The following AEBP2 variants were observed in gnomAD, a reference collection of about 807,000 sequenced individuals.
AEBP2 encodes zinc finger protein AEBP2.
In AEBP2, 10 loss-of-function variants were observed where a neutral mutation model predicts 50.8. The observed-to-expected ratio is 0.20, with a 90% CI of 0.12 to 0.33. The LOEUF is 0.33. AEBP2 is among the 10% of genes least tolerant of loss of function. AEBP2 has a pLI of 1.00. For missense variants in AEBP2, 570 were observed against 688.0 expected (o/e 0.83, Z 1.92); for synonymous variants, 296 against 261.3 (o/e 1.13, Z -1.28).
intron 3 of AEBP2, among the ~76,000 whole-genome samples, chr12:19,484,223 A>T (rs1024761007): frequency 4.1e-5 from 6 of 146,616 alleles, no homozygotes; most frequent in African/African-American, 1.0e-4. Context: ...AGCTGGGATT[A>T]CAGGCAGGCA....
At chr12:19,474,303 T>G (rs1253292027) in intron 3 of AEBP2, among the ~76,000 whole-genome samples, 1 of 152,210 alleles carries the variant, frequency 6.6e-6, no homozygotes, top group Non-Finnish European at 1.5e-5. Flanking sequence ...GTTTAATAGT[T>G]GTTAAAACCA....
chr12:19,446,145 A>C (rs1479470187), intron 1 of AEBP2: 1 of 152,188 alleles, frequency 6.6e-6, no homozygotes, highest in Admixed American at 6.6e-5. Context: ...TGCGATGAAT[A>C]GTTTGTATTT....
chr12:19,444,736 C>T (rs7299302), intron 1 of AEBP2, among the ~76,000 whole-genome samples: 24,588 of 152,116 alleles, frequency 0.16, 3,513 homozygotes, highest in African/African-American at 0.38. Flanking sequence ...TGCTTGAATG[C>T]GTGCATCTTT....
Position 19,453,131 on chromosome 12 carries a change from G to A in AEBP2, c.672-9379G>A, listed in dbSNP as rs143835206. On this transcript the variant is annotated intron_variant, in intron 1 of 7. Transcript: ENST00000266508. ...CCACGGGTACCCGCCACCAGCCCCG[G>A]ATGATTTTTTTGTATTTTTAGTAAA... is the stretch of plus-strand genomic sequence containing the variant. Among the ~76,000 whole-genome samples the A allele has an allele frequency of 1.6e-3, 250 of 151,890 alleles. 1 individual carries two copies. The highest frequency in any genetic ancestry group is 5.8e-3 in the African/African-American group (239 of 41,474).
At chr12:19,513,258 G>T (rs1156699571) in intron 6 of AEBP2, among the ~76,000 whole-genome samples, 1 of 152,068 alleles carries the variant, frequency 6.6e-6, no homozygotes, top group Non-Finnish European at 1.5e-5. Flanking sequence ...TAATTTTCTA[G>T]CAGTGATTAC....
chr12:19,420,411 A>G (rs1213159116), intron 1 of AEBP2, among the ~76,000 whole-genome samples: 2 of 134,562 alleles, frequency 1.5e-5, no homozygotes, highest in Non-Finnish European at 3.0e-5. Context: ...TCGGCTCACT[A>G]CAGTCTCTAC....
intron 1 of AEBP2, chr12:19,456,267 T>G: frequency 6.5e-7 from 1 of 1,527,884 alleles, no homozygotes; most frequent in Non-Finnish European, 9.0e-7. Flanking sequence ...TTGAGCTTTC[T>G]GGGCAGATTT....
chr12:19,450,659 A>C (rs1948152298), intron 1 of AEBP2, among the ~76,000 whole-genome samples: 2 of 128,070 alleles, frequency 1.6e-5, no homozygotes, highest in African/African-American at 2.9e-5. Flanking sequence ...GTGAGATCCC[A>C]TCTCTACCAA....
At chr12:19,475,776 A>G (rs146055443) in intron 3 of AEBP2, among the ~76,000 whole-genome samples, 1 of 152,218 alleles carries the variant, frequency 6.6e-6, no homozygotes, top group East Asian at 1.9e-4. Context: ...CTTTTAAATT[A>G]TGGCCATTAT....
At chr12:19,420,267 G>C (rs1485257888) in intron 1 of AEBP2, among the ~76,000 whole-genome samples, 1 of 148,488 alleles carries the variant, frequency 6.7e-6, no homozygotes, top group Non-Finnish European at 1.5e-5. Context: ...GACCTCAGGT[G>C]ATCCACCCAC....
At chr12:19,484,040 TG>T in intron 3 of AEBP2, among the ~76,000 whole-genome samples, 1 of 152,168 alleles carries the variant, frequency 6.6e-6, no homozygotes. Context: ...TTTGGATTTT[TG>T]CTAATCTCAT....
intron 1 of AEBP2, among the ~76,000 whole-genome samples, chr12:19,441,785 T>C (rs1289737887): frequency 1.3e-5 from 2 of 152,208 alleles, no homozygotes; most frequent in Non-Finnish European, 2.9e-5. Context: ...AACTGCACAA[T>C]GAAGCATGTG....
intron 3 of AEBP2, among the ~76,000 whole-genome samples, 158 bp downstream of exon 3, chr12:19,473,513 T>C (rs1565720425): frequency 6.6e-6 from 1 of 152,104 alleles, no homozygotes; most frequent in African/African-American, 2.4e-5. Context: ...TCAATTGATT[T>C]TCCTGCCTCA....
chr12:19,455,468 A>G (rs892539407), intron 1 of AEBP2, among the ~76,000 whole-genome samples: 2 of 152,190 alleles, frequency 1.3e-5, no homozygotes, highest in African/African-American at 4.8e-5. Flanking sequence ...TCATGGTAAC[A>G]TAAGCATCCA....
rs530718161 is a variant in AEBP2, at chr12:19,496,227, T to C, written c.1174+2241T>C. Among the ~76,000 whole-genome samples, 10 of 152,336 alleles carry C rather than the reference T, an allele frequency of 6.6e-5. No individual in the cohort carries two copies. In the South Asian group the frequency reaches 2.1e-3, roughly 32 times the overall value. Reference sequence around the variant, plus strand: ...TTCTTGCTTAGAAACAAAGTACTGGTGCCGGCTTAAGTATATGTTTCTTTT... The same window carrying C: ...TTCTTGCTTAGAAACAAAGTACTGGCGCCGGCTTAAGTATATGTTTCTTTT... On this transcript the variant is annotated intron_variant, in intron 4 of 7. Coordinates refer to ENST00000266508, the MANE Select transcript of AEBP2 (RefSeq NM_153207.5).
intron 1 of AEBP2, among the ~76,000 whole-genome samples, chr12:19,460,004 T>C (rs764341474): frequency 1.3e-5 from 2 of 152,196 alleles, no homozygotes; most frequent in Non-Finnish European, 2.9e-5. Context: ...GGAGGATTGC[T>C]TGAGCCCAGC....
Position 19,462,544 on chromosome 12 carries a change from A to G in AEBP2, c.706A>G (p.Ile236Val). 6.2e-6 allele frequency: 10 copies of G among 1,613,096 alleles called. No homozygotes were observed. Among genetic ancestry groups the G allele is most frequent in the Non-Finnish European group, 7.6e-6 (9 of 1,179,504 alleles). ...SSTIMDVDST[I>V]SSGRSTPAMM... is the part of the protein sequence containing the mutation. ...TACTATAATGGATGTAGACAGCACAATTTCCAGTGGGCGTTCAACTCCAGC... is the reference window on the plus strand; with the variant it reads ...TACTATAATGGATGTAGACAGCACAGTTTCCAGTGGGCGTTCAACTCCAGC... Residue 236 changes from isoleucine to valine, a missense_variant, in exon 2 of 8, where the codon ATT (isoleucine) becomes GTT (valine). This residue lies in a region of AEBP2 where 184 missense variants were observed against 351.2 expected (regional missense o/e 0.52). Transcript: ENST00000266508.
chr12:19,434,057 G>T (rs1001195973), intron 1 of AEBP2, among the ~76,000 whole-genome samples: 1 of 152,008 alleles, frequency 6.6e-6, no homozygotes, highest in East Asian at 1.9e-4. Context: ...ATGTTGGCCA[G>T]GATGGTCTCG....
intron 1 of AEBP2, among the ~76,000 whole-genome samples, chr12:19,425,773 C>CAAA (rs11317571): frequency 1.5e-4 from 7 of 47,892 alleles, no homozygotes; most frequent in Non-Finnish European, 2.7e-4. Flanking sequence ...GACTCCATCT[C>CAAA]AAAAAAAAAA....
Sources: allele counts gnomAD v4.1 joint callset (sites outside exome capture counted in the v4.1 genomes callset), GRCh38; gene constraint gnomAD v4.1.1; regional missense constraint gnomAD v4.1.1; transcripts MANE v1.5; gene names NCBI Gene and HGNC (gene_info 2026-07-23, HGNC 2026-07-21).